The following TAFA1 variants were observed in gnomAD, a reference collection of about 807,000 sequenced individuals.
TAFA1 encodes the protein chemokine-like protein TAFA-1.
In TAFA1, 4 loss-of-function variants were observed where a neutral mutation model predicts 18.5. That is an observed-to-expected ratio of 0.22 (90% confidence interval 0.11 to 0.49). The LOEUF (loss-of-function observed/expected upper bound fraction) is 0.49. Among genes scored for constraint, TAFA1 ranks in the 20% least tolerant of loss-of-function variants. TAFA1 has a pLI of 0.98. For synonymous variants in TAFA1, 56 were observed against 55.2 expected, an observed-to-expected ratio of 1.01 and a Z score of -0.06; for missense variants, 147 against 169.0, an observed-to-expected ratio of 0.87 and a Z score of 0.72.
At chr3:68,318,245 C>T (rs1453411175) in intron 2 of TAFA1, among the ~76,000 whole-genome samples, 1 of 152,152 alleles carries the variant, frequency 6.6e-6, no homozygotes, top group East Asian at 1.9e-4. Context: ...AATGGTGACA[C>T]ACCTCGGCTC....
At chr3:68,252,670 G>C (rs2067220738) in intron 2 of TAFA1, among the ~76,000 whole-genome samples, 1 of 152,166 alleles carries the variant, frequency 6.6e-6, no homozygotes, top group South Asian at 2.1e-4. Context: ...AAGCCAAACT[G>C]CCTGGGTACC....
intron 2 of TAFA1, among the ~76,000 whole-genome samples, chr3:68,187,984 T>C (rs2066290803): frequency 6.6e-6 from 1 of 152,004 alleles, no homozygotes; most frequent in African/African-American, 2.4e-5. Context: ...TGTTTACATT[T>C]CTTGCCTATT....
At chr3:68,245,955 C>T (rs1225246275) in intron 2 of TAFA1, among the ~76,000 whole-genome samples, 1 of 152,162 alleles carries the variant, frequency 6.6e-6, no homozygotes, top group Non-Finnish European at 1.5e-5. Flanking sequence ...AAGACACAGG[C>T]ATAGGTAATA....
intron 3 of TAFA1, among the ~76,000 whole-genome samples, chr3:68,512,133 C>T (rs1010411208): frequency 6.6e-6 from 1 of 152,052 alleles, no homozygotes; most frequent in African/African-American, 2.4e-5. Context: ...AAGTTCTTAA[C>T]CACTTCACTT....
intron 3 of TAFA1, among the ~76,000 whole-genome samples, chr3:68,482,744 T>G (rs1263849873): frequency 6.6e-6 from 1 of 152,110 alleles, no homozygotes; most frequent in African/African-American, 2.4e-5. Flanking sequence ...AACAACACAT[T>G]CTTGTAGCCA....
intron 2 of TAFA1, among the ~76,000 whole-genome samples, chr3:68,407,205 T>C (rs1444819764): frequency 1.3e-5 from 2 of 152,278 alleles, no homozygotes; most frequent in East Asian, 3.9e-4. Context: ...TGGTCAAAGA[T>C]GATAATTTCA....
In TAFA1 at chr3:68,282,545, C is replaced by T. The variant is rs1051050717; in HGVS notation, c.119-134735C>T. 3.3e-5 allele frequency among the ~76,000 whole-genome samples: 5 copies of T among 152,144 alleles called. No homozygotes were observed. The South Asian group carries it at 6.2e-4, about 19-fold the overall frequency. The stretch of plus-strand genomic sequence containing the variant: ...ATTTTAACTACCTTGCATTCTGATG[C>T]GTTCCCTTGAATGTGAGACAAGGAA... On this transcript the variant is annotated intron_variant, in intron 2 of 4. Coordinates refer to ENST00000478136, the MANE Select transcript of TAFA1 (RefSeq NM_213609.4).
chr3:68,077,181 T>G (rs1360150726), intron 2 of TAFA1, among the ~76,000 whole-genome samples: 17 of 149,636 alleles, frequency 1.1e-4, no homozygotes, highest in South Asian at 2.2e-4. Context: ...TAAATTTGTT[T>G]GAGTTCATTG....
rs1180617113 is a variant in TAFA1 at position 68,164,371 on chromosome 3, A to G, written c.118+157627A>G. On this transcript the variant is annotated intron_variant, in intron 2 of 4. Coordinates refer to ENST00000478136, the MANE Select transcript of TAFA1 (RefSeq NM_213609.4). ...TGAAAAGGGCCTTTAAGGTGTTGTA[A>G]CTTATGCTATCACCTGAAATACTGA... Among the ~76,000 whole-genome samples the G allele has an allele frequency of 4.6e-5, 7 of 152,206 alleles. No individual in the cohort carries two copies. In the East Asian group the frequency reaches 1.3e-3, roughly 29 times the overall value.
At chr3:68,251,455 C>G (rs116238866) in intron 2 of TAFA1, among the ~76,000 whole-genome samples, 198 of 152,294 alleles carry the variant, frequency 1.3e-3, no homozygotes, top group African/African-American at 4.6e-3. Flanking sequence ...ATTGCATGCC[C>G]ACTCTAGACC....
intron 3 of TAFA1, among the ~76,000 whole-genome samples, chr3:68,522,768 G>C (rs959153700): frequency 6.6e-6 from 1 of 152,024 alleles, no homozygotes; most frequent in Admixed American, 6.6e-5. Flanking sequence ...AGAACTGCTT[G>C]AACTCAGGAG....
chr3:68,507,237 C>T (rs2072773944), intron 3 of TAFA1, among the ~76,000 whole-genome samples: 1 of 151,800 alleles, frequency 6.6e-6, no homozygotes, highest in Non-Finnish European at 1.5e-5. Context: ...CACCACTGGG[C>T]CCTAAAACTA....
chr3:68,383,648 G>A (rs1200542511), intron 2 of TAFA1, among the ~76,000 whole-genome samples: 1 of 151,826 alleles, frequency 6.6e-6, no homozygotes, highest in Non-Finnish European at 1.5e-5. Flanking sequence ...TTTTTTTGTT[G>A]TTGTTGTATC....
chr3:68,389,468 T>A (rs1220708183), intron 2 of TAFA1, among the ~76,000 whole-genome samples: 1 of 152,236 alleles, frequency 6.6e-6, no homozygotes, highest in African/African-American at 2.4e-5. Flanking sequence ...GAAGAGATTT[T>A]AAGAATTGAT....
At chr3:68,335,444 A>G (rs897964594) in intron 2 of TAFA1, among the ~76,000 whole-genome samples, 2 of 152,166 alleles carry the variant, frequency 1.3e-5, no homozygotes, top group African/African-American at 2.4e-5. Context: ...ACTTTTCCAT[A>G]CTCATGATTA....
At position 68,033,260 on chromosome 3, in the gene TAFA1, C is replaced by A. The variant is rs897578333; in HGVS notation, c.118+26516C>A. 2.2e-4 allele frequency among the ~76,000 whole-genome samples: 34 copies of A among 152,254 alleles called. 1 individual carries two copies. Among genetic ancestry groups the A allele is most frequent in the South Asian group, 2.1e-3 (10 of 4,826 alleles). On this transcript the variant is annotated intron_variant, in intron 2 of 4. Transcript: ENST00000478136. Reference sequence around the variant, plus strand: ...GCTTTCATACTCACTTCCTTTTCTGCCAACTTGCTCAGCTGTTTCGATCTT... The same window carrying A: ...GCTTTCATACTCACTTCCTTTTCTGACAACTTGCTCAGCTGTTTCGATCTT...
chr3:68,101,438 G>T (rs1218032872), intron 2 of TAFA1, among the ~76,000 whole-genome samples: 1 of 152,006 alleles, frequency 6.6e-6, no homozygotes, highest in East Asian at 1.9e-4. Context: ...CAACCCAAAT[G>T]TCCAACAATG....
chr3:68,417,486 G>T (rs966306750), intron 3 of TAFA1, 66 bp downstream of exon 3: 1 of 1,471,348 alleles, frequency 6.8e-7, no homozygotes, highest in Middle Eastern at 1.8e-4. Context: ...ATAATTTCTT[G>T]TTTTATCTAA....
intron 2 of TAFA1, among the ~76,000 whole-genome samples, chr3:68,023,355 C>G (rs1315586190): frequency 6.6e-6 from 1 of 151,980 alleles, no homozygotes; most frequent in African/African-American, 2.4e-5. Context: ...GTGTTGTTCA[C>G]CGTGGCAGAA....
Sources: allele counts gnomAD v4.1 joint callset (sites outside exome capture counted in the v4.1 genomes callset), GRCh38; gene constraint gnomAD v4.1.1; transcripts MANE v1.5; gene names NCBI Gene and HGNC (gene_info 2026-07-23, HGNC 2026-07-21).